GALNT6: variants seen among roughly 807,000 people sequenced by gnomAD.
GALNT6 encodes the protein polypeptide N-acetylgalactosaminyltransferase 6.
In GALNT6, 51 loss-of-function variants were observed where a neutral mutation model predicts 65.9. The ratio of observed to expected loss-of-function variants is 0.77; its 90% confidence interval spans 0.62 to 0.98. The LOEUF is 0.98. Ranked by LOEUF, GALNT6 falls within the 50% of genes least tolerant of loss-of-function variation. The pLI is 0.00. For synonymous variants in GALNT6, 323 were observed against 315.1 expected (o/e 1.02, Z -0.26); for missense variants, 708 against 803.3 (o/e 0.88, Z 1.43).
intron 4 of GALNT6, among the ~76,000 whole-genome samples, chr12:51,368,703 G>A (rs1040745167): frequency 7.9e-5 from 12 of 151,280 alleles, no homozygotes; most frequent in African/African-American, 2.2e-4. Context: ...ACTACGCCCC[G>A]CCCACTTTTT....
At chr12:51,377,844 C>T (rs921701672) in intron 3 of GALNT6, among the ~76,000 whole-genome samples, 5 of 152,218 alleles carry the variant, frequency 3.3e-5, no homozygotes, top group South Asian at 2.1e-4. Context: ...CCCTTTACAG[C>T]GTACAGTTCC....
Position 51,379,601 on chromosome 12 carries a change from T to C in GALNT6, c.181A>G (p.Met61Val), listed in dbSNP as rs770621606. 6 of 1,614,122 alleles carry C rather than the reference T, an allele frequency of 3.7e-6. No homozygotes were observed. The highest frequency in any genetic ancestry group is 1.6e-4 in the Middle Eastern group (1 of 6,062). ...GGCATTGAATCTCTAAGGTTGTTCA[T>C]GGCCTCCAGCATGAGGTCCAGGACG... ...DHVLDLMLEA[M>V]NNLRDSMPKL... Residue 61 changes from methionine to valine, a missense_variant, in exon 3 of 12, where the codon ATG (methionine) becomes GTG (valine). Met to Val is a conservative substitution (Grantham distance 21). Coordinates refer to ENST00000356317, the MANE Select transcript of GALNT6 (RefSeq NM_007210.4).
chr12:51,365,566 C>T lies in GALNT6; in HGVS notation c.678G>A (p.Glu226=), dbSNP rs1947076040. 6.2e-7 allele frequency: 1 copy of T among 1,613,814 alleles called. No homozygotes were observed. Among genetic ancestry groups the T allele is most frequent in the African/African-American group, 1.3e-5 (1 of 75,064 alleles). ...GCTGCTTCACGTACTGCTCCAGCTT[C>T]TCCTTTAGGTGCTCTGGAAGGGACA... ...DDASTEEHLK[E]KLEQYVKQLQ... Residue 226 remains glutamate, a synonymous_variant, in exon 5 of 12, where the codon GAG becomes GAA. Transcript: ENST00000356317.
intron 3 of GALNT6, among the ~76,000 whole-genome samples, chr12:51,378,141 A>T (rs1440940900): frequency 6.6e-6 from 1 of 151,878 alleles, no homozygotes; most frequent in African/African-American, 2.4e-5. Context: ...CTGCTGTCAC[A>T]CCCAGTGCTC....
At position 51,359,118 on chromosome 12, in the gene GALNT6, C is replaced by T. The variant is rs1164215762; in HGVS notation, c.1368+14G>A. ...CTCTTCATCTAAACCTCTCCGAGAA[C>T]CATTTCCTCTCACCTCTTGGGCCAT... On this transcript the variant is annotated intron_variant, in intron 8 of 11. Coordinates refer to ENST00000356317, the MANE Select transcript of GALNT6 (RefSeq NM_007210.4). 4 of 1,604,776 alleles carry T rather than the reference C, an allele frequency of 2.5e-6. No individual in the cohort carries two copies. The highest frequency in any genetic ancestry group is 3.3e-5 in the Admixed American group (2 of 59,986).
chr12:51,383,998 G>A (rs1263253382), intron 2 of GALNT6, among the ~76,000 whole-genome samples: 1 of 152,118 alleles, frequency 6.6e-6, no homozygotes, highest in Non-Finnish European at 1.5e-5. Flanking sequence ...CTGGTGTCTT[G>A]TATATCTCCC....
Position 51,359,167 on chromosome 12 carries a change from T to C in GALNT6, c.1333A>G (p.Arg445Gly). ...WMDSYKKIFYRRNLQAAKMAQ... is the reference protein window; with the variant it reads ...WMDSYKKIFYGRNLQAAKMAQ... ...ATCTTTGCTGCCTGCAGATTTCTCC[T>C]ATAGAAAATCTTCTTGTAGCTGTCC... The change falls in exon 8 of 12, where the codon AGG becomes GGG. Residue 445 changes from arginine (R) to glycine (G), a missense_variant. Transcript: ENST00000356317. 6.2e-7 allele frequency: 1 copy of C among 1,614,176 alleles called. No homozygotes were observed. Among genetic ancestry groups the C allele is most frequent in the Non-Finnish European group, 8.5e-7 (1 of 1,180,010 alleles).
intron 7 of GALNT6, 148 bp downstream of exon 7, chr12:51,360,573 A>T: frequency 1.5e-6 from 1 of 646,292 alleles, no homozygotes; most frequent in Non-Finnish European, 2.8e-6. Context: ...GGGGGAGCAG[A>T]AAAGAGGAAG....
chr12:51,354,339 G>T lies in GALNT6; in HGVS notation c.*40C>A. 9.0e-7 allele frequency: 1 copy of T among 1,111,638 alleles called. No individual in the cohort carries two copies. 68.9% of individuals were successfully genotyped at this position (1,111,638 alleles called of 1,614,324 possible). On this transcript the variant is annotated 3_prime_UTR_variant, in exon 12 of 12. Transcript: ENST00000356317. ...CCAGACATCAGCAATCCTGTTTCCT[G>T]AGGAGCTTGTGGGGGCTCTCTCTGG...
intron 4 of GALNT6, among the ~76,000 whole-genome samples, chr12:51,365,940 T>A (rs988995318): frequency 3.3e-5 from 5 of 152,134 alleles, no homozygotes; most frequent in African/African-American, 1.2e-4. Flanking sequence ...GTTGTTGAGA[T>A]GGAGTCTCAT....
intron 3 of GALNT6, among the ~76,000 whole-genome samples, chr12:51,378,885 C>CCA (rs1947554910): frequency 1.1e-5 from 1 of 88,388 alleles, no homozygotes; most frequent in Non-Finnish European, 2.2e-5. Flanking sequence ...AATGCCCACC[C>CCA]CCCCCCCAAA....
At position 51,377,340 on chromosome 12, in the gene GALNT6, G is replaced by A; in HGVS notation, c.519C>T (p.Cys173=). 1 of 1,612,658 alleles carries A rather than the reference G, an allele frequency of 6.2e-7. No individual in the cohort carries two copies. Among genetic ancestry groups the A allele is most frequent in the East Asian group, 2.2e-5 (1 of 44,876 alleles). The part of the protein sequence containing the change: ...PECVDQKFRR[C]PPLATTSVII... ...TCACGCTGGTGGTGGCCAGTGGGGG[G>A]CAGCGCCGGAACTTCTGGTCCACAC... Residue 173 remains cysteine, a synonymous_variant, in exon 4 of 12, where the codon TGC becomes TGT. Coordinates refer to ENST00000356317, the MANE Select transcript of GALNT6 (RefSeq NM_007210.4).
At position 51,365,467 on chromosome 12, in the gene GALNT6, C is replaced by T. The variant is rs760622497; in HGVS notation, c.777G>A (p.Val259=). Residue 259 remains valine, a synonymous_variant, in exon 5 of 12, where the codon GTG becomes GTA. Coordinates refer to ENST00000356317, the MANE Select transcript of GALNT6 (RefSeq NM_007210.4). Reference sequence around the variant, plus strand: ...GGAACGTGAGCACCTCCGCCTGTGCCACGCTGGCCCCCAGCAGCCGGGCGG... The same window carrying T: ...GGAACGTGAGCACCTCCGCCTGTGCTACGCTGGCCCCCAGCAGCCGGGCGG... ...LITARLLGAS[V]AQAEVLTFLD... is the part of the protein sequence containing the mutation. 1.2e-5 allele frequency: 19 copies of T among 1,612,008 alleles called. No homozygotes were observed. In the East Asian group the frequency reaches 4.2e-4, roughly 36 times the overall value.
In GALNT6 at chr12:51,353,065, G is replaced by T. The variant is rs1229601854; in HGVS notation, c.*1314C>A. 6.6e-6 allele frequency: 1 copy of T among 152,366 alleles called. No homozygotes were observed. Among genetic ancestry groups the T allele is most frequent in the African/African-American group, 2.4e-5 (1 of 41,474 alleles). The allele number at this position is 152,366 out of a possible 1,614,324, so 9.4% of individuals were successfully genotyped here. Reference sequence around the variant, plus strand: ...GAGAAGGCTGGTGGCGAGTGGTCTAGCGTTCTTGTGGTGCAGCGGAAGGAG... The same window carrying T: ...GAGAAGGCTGGTGGCGAGTGGTCTATCGTTCTTGTGGTGCAGCGGAAGGAG... On this transcript the variant is annotated 3_prime_UTR_variant, in exon 12 of 12. Transcript: ENST00000356317.
intron 2 of GALNT6, among the ~76,000 whole-genome samples, chr12:51,386,462 T>A (rs1267552684): frequency 1.3e-5 from 2 of 152,210 alleles, no homozygotes; most frequent in Non-Finnish European, 2.9e-5. Context: ...AGCCTTAGCT[T>A]TTGTGAATGT....
intron 6 of GALNT6, among the ~76,000 whole-genome samples, chr12:51,363,083 T>C (rs527579473): frequency 6.4e-4 from 97 of 152,202 alleles, no homozygotes; most frequent in Non-Finnish European, 1.1e-3. Flanking sequence ...TTCCCTCTTA[T>C]CTCTGGCTAC....
At chr12:51,357,761 TC>T (rs1285400760) in intron 9 of GALNT6, among the ~76,000 whole-genome samples, 1 of 152,052 alleles carries the variant, frequency 6.6e-6, no homozygotes, top group Non-Finnish European at 1.5e-5. Flanking sequence ...AAGCAGTGGT[TC>T]TCAAATGTGA....
rs556137000 is a variant in GALNT6 at position 51,359,187 on chromosome 12, C to T, written c.1313G>A (p.Ser438Asn). The T allele has an allele frequency of 8.1e-6, 13 of 1,614,206 alleles. No individual in the cohort carries two copies. In the East Asian group the frequency reaches 2.2e-4, roughly 28 times the overall value. The change falls in exon 8 of 12, where the codon AGC becomes AAC. Residue 438 changes from serine (S) to asparagine (N), a missense_variant. Coordinates refer to ENST00000356317, the MANE Select transcript of GALNT6 (RefSeq NM_007210.4). ...QVRLAEVWMD[S>N]YKKIFYRRNL... Reference sequence around the variant, plus strand: ...TCTCCTATAGAAAATCTTCTTGTAGCTGTCCATCCAGACCTCTGCCAGGCG... The same window carrying T: ...TCTCCTATAGAAAATCTTCTTGTAGTTGTCCATCCAGACCTCTGCCAGGCG...
chr12:51,369,202 A>G (rs893385440), intron 4 of GALNT6, among the ~76,000 whole-genome samples: 1 of 152,268 alleles, frequency 6.6e-6, no homozygotes, highest in African/African-American at 2.4e-5. Flanking sequence ...TGTGAACCTC[A>G]GGGGGGGCCC....
Sources: allele counts gnomAD v4.1 joint callset (sites outside exome capture counted in the v4.1 genomes callset), GRCh38; gene constraint gnomAD v4.1.1; transcripts MANE v1.5; gene names NCBI Gene and HGNC (gene_info 2026-07-23, HGNC 2026-07-21).